Variants in C13orf42 observed in about 807,000 individuals in gnomAD.
C13orf42 encodes the protein chromosome 13 open reading frame 42, also known as uncharacterized protein C13orf42.
At chr13:51,135,896 C>T (rs1953654148) in intron 1 of C13orf42, among the ~76,000 whole-genome samples, 1 of 152,164 alleles carries the variant, frequency 6.6e-6, no homozygotes, top group Non-Finnish European at 1.5e-5. Context: ...ATAGAAACAA[C>T]TTGTATATTA....
intron 1 of C13orf42, among the ~76,000 whole-genome samples, chr13:51,165,526 G>A (rs367835741): frequency 3.4e-5 from 5 of 146,146 alleles, no homozygotes; most frequent in African/African-American, 7.4e-5. Flanking sequence ...AAGAAGAGCC[G>A]GAGCAAGTAA....
intron 1 of C13orf42, among the ~76,000 whole-genome samples, chr13:51,133,060 C>T (rs1429505555): frequency 6.6e-6 from 1 of 152,302 alleles, no homozygotes; most frequent in African/African-American, 2.4e-5. Context: ...GTTTGGCATA[C>T]AATCAAGAAA....
chr13:51,142,331 G>A (rs1249859319), intron 1 of C13orf42, among the ~76,000 whole-genome samples: 1 of 152,224 alleles, frequency 6.6e-6, no homozygotes, highest in East Asian at 1.9e-4. Flanking sequence ...TGAGAAAGAT[G>A]AAGCCAATTA....
intron 1 of C13orf42, among the ~76,000 whole-genome samples, chr13:51,156,074 T>C (rs964707921): frequency 6.6e-6 from 1 of 152,164 alleles, no homozygotes; most frequent in Non-Finnish European, 1.5e-5. Context: ...AGGAGAGATC[T>C]GGAGTGACAG....
chr13:51,132,937 C>T (rs1210634274), intron 1 of C13orf42, among the ~76,000 whole-genome samples: 2 of 152,122 alleles, frequency 1.3e-5, no homozygotes, highest in Non-Finnish European at 2.9e-5. Context: ...GACCACTGGT[C>T]GTCCTCACTG....
At chr13:51,116,084 G>C (rs908620364), upstream of C13orf42, among the ~76,000 whole-genome samples, 9 of 149,306 alleles carry the variant, frequency 6.0e-5, no homozygotes, top group Non-Finnish European at 1.3e-4. Context: ...AAAAAAAAAA[G>C]TCCTTGTAAG....
chr13:51,114,981 G>T (rs1953475848), upstream of C13orf42, among the ~76,000 whole-genome samples: 1 of 152,098 alleles, frequency 6.6e-6, no homozygotes, highest in African/African-American at 2.4e-5. Context: ...TATATCAAAA[G>T]ATCATGTCAT....
At chr13:51,136,971 G>A (rs1377163680) in intron 1 of C13orf42, among the ~76,000 whole-genome samples, 1 of 152,156 alleles carries the variant, frequency 6.6e-6, no homozygotes, top group African/African-American at 2.4e-5. Flanking sequence ...TTGGGGACAA[G>A]GTGACCCCTC....
chr13:51,142,311 T>C (rs535453243), intron 1 of C13orf42, among the ~76,000 whole-genome samples: 3 of 152,350 alleles, frequency 2.0e-5, no homozygotes, highest in South Asian at 4.1e-4. Context: ...CAAGGATAGC[T>C]TGGAAGTTAT....
At chr13:51,133,805 T>G (rs1468970305) in intron 1 of C13orf42, among the ~76,000 whole-genome samples, 1 of 152,090 alleles carries the variant, frequency 6.6e-6, no homozygotes, top group East Asian at 1.9e-4. Context: ...AAGAGAAAAA[T>G]GAGACAGAAG....
chr13:51,113,823 C>T (rs1374271761), upstream of C13orf42, among the ~76,000 whole-genome samples: 2 of 152,178 alleles, frequency 1.3e-5, no homozygotes, highest in African/African-American at 4.8e-5. Flanking sequence ...GGAATGCGGA[C>T]AAACATCTAA....
intron 1 of C13orf42, among the ~76,000 whole-genome samples, chr13:51,145,036 C>T (rs1188565005): frequency 6.6e-6 from 1 of 152,168 alleles, no homozygotes; most frequent in Non-Finnish European, 1.5e-5. Flanking sequence ...AGATTCTAGT[C>T]TTGCCTAATG....
chr13:51,100,039 A>G (rs1953271198), intron 1 of C13orf42, among the ~76,000 whole-genome samples: 1 of 152,216 alleles, frequency 6.6e-6, no homozygotes, highest in South Asian at 2.1e-4. Flanking sequence ...AGGAATGTAC[A>G]CTTTTATATA....
intron 1 of C13orf42, among the ~76,000 whole-genome samples, chr13:51,119,133 AGGTGTACAGTATGCCTG>A (rs981818525): frequency 1.8e-4 from 28 of 151,732 alleles, no homozygotes; most frequent in Non-Finnish European, 2.7e-4. Flanking sequence ...TGGCATGCCC[AGGTGTACAGTATGCCTG>A]GGTGTACAGT....
chr13:51,101,155 A>G (rs1953285740), intron 1 of C13orf42, among the ~76,000 whole-genome samples: 1 of 152,212 alleles, frequency 6.6e-6, no homozygotes, highest in Admixed American at 6.5e-5. Context: ...CAAATATTAC[A>G]TGGGACATCC....
At chr13:51,161,655 TC>T (rs1272449374) in intron 1 of C13orf42, 1 of 179,578 alleles carries the variant, frequency 5.6e-6, no homozygotes, top group Non-Finnish European at 1.2e-5. Context: ...ATCCATTCCT[TC>T]CCATGGAAAC....
Position 51,083,260 on chromosome 13 carries a change from A to G in C13orf42, c.*891T>C, listed in dbSNP as rs1178328378. ...AAAAGTATTTAGAAATACAAAGAATATATTTTAAATGTAATTCTGATTCAG... is the reference window on the plus strand; with the variant it reads ...AAAAGTATTTAGAAATACAAAGAATGTATTTTAAATGTAATTCTGATTCAG... On this transcript the variant is annotated 3_prime_UTR_variant, in exon 4 of 4. Transcript: ENST00000563710. The G allele has an allele frequency of 1.3e-5, 2 of 152,238 alleles. No homozygotes were observed. Among genetic ancestry groups the G allele is most frequent in the Non-Finnish European group, 2.9e-5 (2 of 68,040 alleles). The allele number at this position is 152,238 out of a possible 1,614,324, so 9.4% of individuals were successfully genotyped here.
intron 1 of C13orf42, among the ~76,000 whole-genome samples, chr13:51,088,289 G>A (rs1291355181): frequency 6.6e-6 from 1 of 152,136 alleles, no homozygotes; most frequent in Admixed American, 6.5e-5. Flanking sequence ...CTCAAGAAGG[G>A]AGAGTGAAAG....
At chr13:51,103,073 C>T (rs1953309969) in intron 1 of C13orf42, among the ~76,000 whole-genome samples, 2 of 152,124 alleles carry the variant, frequency 1.3e-5, no homozygotes, top group Non-Finnish European at 2.9e-5. Context: ...AACAAGTAAC[C>T]CCGCCTGAGA....
Sources: gnomAD v4.1 joint callset for allele counts (sites outside exome capture counted in the v4.1 genomes callset) on GRCh38, gnomAD v4.1.1 for gene constraint, MANE v1.5 for transcripts, NCBI Gene and HGNC (gene_info 2026-07-23, HGNC 2026-07-21) for gene names.